Variants in FARP1 observed in about 807,000 individuals in gnomAD.
FARP1 encodes the protein FERM, ARHGEF and pleckstrin domain-containing protein 1.
In FARP1, 52 loss-of-function variants were observed where a neutral mutation model predicts 128.8. That is an observed-to-expected ratio of 0.40 (90% CI 0.32 to 0.51). The LOEUF is 0.51. FARP1 is among the 20% of genes least tolerant of loss of function. The pLI is 0.45. For missense variants in FARP1, 1,333 were observed against 1,367.9 expected, an observed-to-expected ratio of 0.97 and a Z score of 0.40; for synonymous variants, 580 against 551.8, an observed-to-expected ratio of 1.05 and a Z score of -0.72.
intron 6 of FARP1, among the ~76,000 whole-genome samples, chr13:98,379,041 A>T (rs1184437332): frequency 2.6e-5 from 2 of 78,354 alleles, no homozygotes; most frequent in African/African-American, 1.7e-4. Flanking sequence ...TAATATATAC[A>T]ATATGTAATC....
chr13:98,350,119 C>T (rs539236051), intron 3 of FARP1, among the ~76,000 whole-genome samples: 1 of 152,018 alleles, frequency 6.6e-6, no homozygotes, highest in Non-Finnish European at 1.5e-5. Context: ...TACAGCGGCT[C>T]GGTCACCTCG....
intron 2 of FARP1, among the ~76,000 whole-genome samples, chr13:98,290,020 A>G (rs1187165069): frequency 6.6e-6 from 1 of 151,438 alleles, no homozygotes; most frequent in Non-Finnish European, 1.5e-5. Flanking sequence ...CTTTCAGTAC[A>G]ACTCTGATTT....
chr13:98,188,938 C>T (rs539764932), intron 1 of FARP1, among the ~76,000 whole-genome samples: 1 of 152,344 alleles, frequency 6.6e-6, no homozygotes, highest in African/African-American at 2.4e-5. Context: ...CAGGATGTTT[C>T]TGAGGTTACA....
chr13:98,186,991 CAAAAAAAAAAAAA>C (rs33992037), intron 1 of FARP1, among the ~76,000 whole-genome samples: 9 of 47,834 alleles, frequency 1.9e-4, no homozygotes, highest in African/African-American at 6.1e-4. Flanking sequence ...GATTCTGTCT[CAAAAAAAAAAAAA>C]AAAAAAAAAA....
chr13:98,267,537 G>C (rs1212445866), intron 2 of FARP1, among the ~76,000 whole-genome samples: 2 of 152,222 alleles, frequency 1.3e-5, no homozygotes, highest in Non-Finnish European at 2.9e-5. Context: ...GAGGGCTGCT[G>C]ATGAGGCCCG....
At chr13:98,320,960 G>A (rs1216494489) in intron 2 of FARP1, among the ~76,000 whole-genome samples, 1 of 152,196 alleles carries the variant, frequency 6.6e-6, no homozygotes, top group African/African-American at 2.4e-5. Context: ...TCCAGTTTGA[G>A]AAGGTGCAGG....
chr13:98,353,621 A>G (rs9517267), intron 3 of FARP1, among the ~76,000 whole-genome samples: 111,082 of 151,942 alleles, frequency 0.73, 40,929 homozygotes, highest in Non-Finnish European at 0.79. Context: ...CAGGTGATCC[A>G]CCTGCCTCGG....
chr13:98,206,177 TTGTGTGTGTGTGTGTGTG>T (rs3138577), intron 1 of FARP1, among the ~76,000 whole-genome samples: 17 of 146,566 alleles, frequency 1.2e-4, no homozygotes, highest in South Asian at 8.9e-4. Context: ...TGACTTGAGG[TTGTGTGTGTGTGTGTGTG>T]TGTGTGTGTG....
intron 9 of FARP1, among the ~76,000 whole-genome samples, chr13:98,388,860 C>T (rs578094822): frequency 4.9e-4 from 74 of 152,354 alleles, no homozygotes; most frequent in Middle Eastern, 6.8e-3. Flanking sequence ...AGACTGACTT[C>T]CCCAATCCCT....
chr13:98,411,134 A>T (rs1158892567), intron 15 of FARP1, among the ~76,000 whole-genome samples: 3 of 152,216 alleles, frequency 2.0e-5, no homozygotes, highest in Non-Finnish European at 2.9e-5. Flanking sequence ...ATTGCCAAGT[A>T]TAACTGCTGA....
chr13:98,184,408 G>A lies in FARP1; in HGVS notation c.-23-28812G>A, dbSNP rs1398687417. 6.6e-5 allele frequency among the ~76,000 whole-genome samples: 10 copies of A among 152,230 alleles called. No individual in the cohort carries two copies. The South Asian group carries it at 8.3e-4, about 13-fold the overall frequency. ...ATTACAGGCATGAGCCACCACGCCC[G>A]GCTGCCTTTTAATGTGTCATTTTAA... is the stretch of plus-strand genomic sequence containing the variant. On this transcript the variant is annotated intron_variant, in intron 1 of 26. Coordinates refer to ENST00000319562, the MANE Select transcript of FARP1 (RefSeq NM_005766.4).
At chr13:98,243,187 A>C (rs1465204325) in intron 2 of FARP1, among the ~76,000 whole-genome samples, 1 of 152,194 alleles carries the variant, frequency 6.6e-6, no homozygotes, top group Non-Finnish European at 1.5e-5. Context: ...AAAATTAATA[A>C]TATTGGGAAG....
At chr13:98,205,342 A>G (rs1880201238) in intron 1 of FARP1, among the ~76,000 whole-genome samples, 1 of 151,372 alleles carries the variant, frequency 6.6e-6, no homozygotes, top group African/African-American at 2.4e-5. Context: ...TTCTTTAGGG[A>G]TACCGATTGT....
At chr13:98,312,582 G>C (rs1443026838) in intron 2 of FARP1, among the ~76,000 whole-genome samples, 2 of 152,120 alleles carry the variant, frequency 1.3e-5, no homozygotes, top group Non-Finnish European at 2.9e-5. Flanking sequence ...AATTCATAAT[G>C]CTTCCCCCCC....
chr13:98,194,828 A>G (rs1879470426), intron 1 of FARP1, among the ~76,000 whole-genome samples: 1 of 152,230 alleles, frequency 6.6e-6, no homozygotes, highest in Non-Finnish European at 1.5e-5. Context: ...CCTAATTTTA[A>G]AGTGTTCCTA....
At chr13:98,372,939 C>A (rs1889411308) in intron 5 of FARP1, among the ~76,000 whole-genome samples, 1 of 152,182 alleles carries the variant, frequency 6.6e-6, no homozygotes, top group Non-Finnish European at 1.5e-5. Flanking sequence ...CTTCAGTGGA[C>A]AGTACTAAAG....
intron 16 of FARP1, among the ~76,000 whole-genome samples, chr13:98,422,501 G>A (rs1891630997): frequency 6.6e-6 from 1 of 152,192 alleles, no homozygotes; most frequent in South Asian, 2.1e-4. Context: ...AGCTTGGGGA[G>A]CCTGGGGGTG....
Position 98,439,137 on chromosome 13 carries a change from G to A in FARP1, c.2374G>A (p.Gly792Arg), listed in dbSNP as rs1892416776. 6.2e-7 allele frequency: 1 copy of A among 1,613,958 alleles called. No homozygotes were observed. The highest frequency in any genetic ancestry group is 2.2e-5 in the East Asian group (1 of 44,882). Residue 792 changes from glycine to arginine, a missense_variant, in exon 21 of 27, where the codon GGG becomes AGG. Transcript: ENST00000319562. ...CGACGTCCTGCTATACACGAGCCGGGGGCTGACGGCCTCCAATCAGTTTAA... is the reference window on the plus strand; with the variant it reads ...CGACGTCCTGCTATACACGAGCCGGAGGCTGACGGCCTCCAATCAGTTTAA... ...FNDVLLYTSR[G>R]LTASNQFKVH...
intron 2 of FARP1, among the ~76,000 whole-genome samples, chr13:98,286,921 A>C (rs1450968100): frequency 6.6e-6 from 1 of 152,196 alleles, no homozygotes; most frequent in East Asian, 1.9e-4. Context: ...TTTTGTTTCC[A>C]TGATATCACA....
Sources: allele counts gnomAD v4.1 joint callset (sites outside exome capture counted in the v4.1 genomes callset), GRCh38; gene constraint gnomAD v4.1.1; transcripts MANE v1.5; gene names NCBI Gene and HGNC (gene_info 2026-07-23, HGNC 2026-07-21).